GALNT13: variants seen among roughly 807,000 people sequenced by gnomAD.
GALNT13 encodes the protein polypeptide N-acetylgalactosaminyltransferase 13, also known as UDP-GalNAc:polypeptide N-acetylgalactosaminyltransferase 13.
Under a neutral mutation model 64.2 loss-of-function variants are expected in GALNT13, and 28 were observed. The observed-to-expected ratio is 0.44, with a 90% CI of 0.32 to 0.60. The LOEUF (loss-of-function observed/expected upper bound fraction) is 0.60, where lower values mean the gene tolerates loss of function less well. GALNT13 is among the 20% of genes least tolerant of loss of function. The pLI, the probability that GALNT13 is intolerant of heterozygous loss-of-function variation, is 0.05. For synonymous variants in GALNT13, 214 were observed against 224.6 expected (o/e 0.95, Z 0.42); for missense variants, 577 against 669.8 (o/e 0.86, Z 1.53).
Position 154,396,047 on chromosome 2 carries a change from C to G in GALNT13, c.1213C>G (p.Leu405Val). ...AGTCAGAAAAACACTAAGAGAAAATCTGAAGTGTAAGCCCTTTTCTTGGTA... is the reference window on the plus strand; with the variant it reads ...AGTCAGAAAAACACTAAGAGAAAATGTGAAGTGTAAGCCCTTTTCTTGGTA... ...VSVRKTLREN[L>V]KCKPFSWYLE... Residue 405 changes from leucine (L) to valine (V), a missense_variant, in exon 10 of 13, where the codon CTG (leucine) becomes GTG (valine). By Grantham distance (32) the Leu-to-Val change is conservative. Transcript: ENST00000392825. The G allele has an allele frequency of 6.2e-7, 1 of 1,610,936 alleles. No individual in the cohort carries two copies. The highest frequency in any genetic ancestry group is 8.5e-7 in the Non-Finnish European group (1 of 1,178,276).
intron 5 of GALNT13, among the ~76,000 whole-genome samples, 161 bp from the exon 6 acceptor site, chr2:154,242,533 CATTA>C (rs1689549939): frequency 6.6e-6 from 1 of 152,090 alleles, no homozygotes; most frequent in South Asian, 2.1e-4. Flanking sequence ...GGATACTTGA[CATTA>C]ATTAACTAAT....
At chr2:153,150,754 G>A in the GALNT13 span, among the ~76,000 whole-genome samples, 1 of 151,922 alleles carries the variant, frequency 6.6e-6, no homozygotes, top group Non-Finnish European at 1.5e-5. Context: ...TCTTGTTTTT[G>A]TCAGGTTTGT....
the GALNT13 span, among the ~76,000 whole-genome samples, chr2:153,545,844 C>T: frequency 6.6e-6 from 1 of 152,196 alleles, no homozygotes; most frequent in Non-Finnish European, 1.5e-5. Flanking sequence ...ATGCCCCTGG[C>T]AAGAGGATAT....
At chr2:153,070,056 C>T in the GALNT13 span, among the ~76,000 whole-genome samples, 5 of 152,220 alleles carry the variant, frequency 3.3e-5, no homozygotes, top group Admixed American at 2.0e-4. Context: ...TTTAATATCC[C>T]TCAATAAGTG....
the GALNT13 span, among the ~76,000 whole-genome samples, chr2:153,610,482 C>T: frequency 6.6e-6 from 1 of 152,116 alleles, no homozygotes; most frequent in African/African-American, 2.4e-5. Flanking sequence ...GGAGACCAGC[C>T]TGTCCAACAT....
chr2:153,737,629 G>A, the GALNT13 span, among the ~76,000 whole-genome samples: 1 of 151,702 alleles, frequency 6.6e-6, no homozygotes, highest in South Asian at 2.1e-4. Flanking sequence ...ATTCTATTTC[G>A]ATATCTCCTT....
intron 9 of GALNT13, among the ~76,000 whole-genome samples, chr2:154,388,588 A>G (rs369881527): frequency 1.3e-5 from 2 of 152,206 alleles, no homozygotes; most frequent in East Asian, 1.9e-4. Context: ...AATAAGATCT[A>G]ATTTCTTCTT....
the GALNT13 span, among the ~76,000 whole-genome samples, chr2:153,555,810 G>C: frequency 6.6e-6 from 1 of 152,098 alleles, no homozygotes; most frequent in African/African-American, 2.4e-5. Flanking sequence ...TTGTAACTTA[G>C]CCTATTAAAG....
the GALNT13 span, among the ~76,000 whole-genome samples, chr2:153,375,710 G>A: frequency 6.6e-6 from 1 of 152,178 alleles, no homozygotes; most frequent in African/African-American, 2.4e-5. Context: ...GAGGCATTCA[G>A]ACTATGTGGT....
intron 4 of GALNT13, among the ~76,000 whole-genome samples, chr2:154,218,392 A>G (rs1688155704): frequency 6.6e-6 from 1 of 152,206 alleles, no homozygotes; most frequent in East Asian, 1.9e-4. Context: ...TAAAGAGGCA[A>G]ACAAACCTAC....
the GALNT13 span, among the ~76,000 whole-genome samples, chr2:153,455,911 A>G: frequency 6.6e-6 from 1 of 152,206 alleles, no homozygotes; most frequent in African/African-American, 2.4e-5. Context: ...TTTATTGCCA[A>G]TTAAAATGGC....
chr2:153,980,522 A>T (rs1437404635), intron 3 of GALNT13, among the ~76,000 whole-genome samples: 3 of 152,142 alleles, frequency 2.0e-5, no homozygotes, highest in Non-Finnish European at 2.9e-5. Flanking sequence ...ATGTTTGTAA[A>T]TTGTTTATGA....
At chr2:153,134,382 A>G in the GALNT13 span, among the ~76,000 whole-genome samples, 1 of 151,744 alleles carries the variant, frequency 6.6e-6, no homozygotes, top group Non-Finnish European at 1.5e-5. Context: ...AGAACAGCCA[A>G]TCTTACCCTT....
intron 3 of GALNT13, among the ~76,000 whole-genome samples, chr2:154,034,676 T>C (rs969002460): frequency 6.6e-6 from 1 of 152,198 alleles, no homozygotes; most frequent in Non-Finnish European, 1.5e-5. Context: ...TTCCGACTTA[T>C]AAGTGAGAAA....
At chr2:153,602,589 A>T in the GALNT13 span, among the ~76,000 whole-genome samples, 1 of 151,814 alleles carries the variant, frequency 6.6e-6, no homozygotes, top group South Asian at 2.1e-4. Context: ...GGATTAAGAG[A>T]GTTCTTAGTG....
chr2:153,766,936 A>G, the GALNT13 span, among the ~76,000 whole-genome samples: 1 of 151,824 alleles, frequency 6.6e-6, no homozygotes, highest in Non-Finnish European at 1.5e-5. Flanking sequence ...TTATTGTTAA[A>G]TTTCTCTTAT....
At chr2:153,862,654 A>C in the GALNT13 span, among the ~76,000 whole-genome samples, 1 of 151,944 alleles carries the variant, frequency 6.6e-6, no homozygotes, top group African/African-American at 2.4e-5. Flanking sequence ...TTCTTATTTT[A>C]CTATACCTTA....
chr2:154,208,620 GTGTC>G (rs955431900), intron 4 of GALNT13, among the ~76,000 whole-genome samples: 9 of 104,994 alleles, frequency 8.6e-5, no homozygotes, highest in Admixed American at 2.4e-4. Context: ...CACGTTTTGC[GTGTC>G]TGTGTGTGTG....
At chr2:153,848,299 A>T in the GALNT13 span, among the ~76,000 whole-genome samples, 1 of 152,184 alleles carries the variant, frequency 6.6e-6, no homozygotes, top group African/African-American at 2.4e-5. Flanking sequence ...TTAGTAGCAA[A>T]GAACACAGGA....
Sources: gnomAD v4.1 joint callset for allele counts (sites outside exome capture counted in the v4.1 genomes callset) on GRCh38, gnomAD v4.1.1 for gene constraint, MANE v1.5 for transcripts, NCBI Gene and HGNC (gene_info 2026-07-23, HGNC 2026-07-21) for gene names.